Variants in PLEKHH2 observed in about 807,000 individuals in gnomAD.
The protein encoded by PLEKHH2 is pleckstrin homology domain-containing family H member 2.
Under a neutral mutation model 187.9 loss-of-function variants are expected in PLEKHH2, and 129 were observed. The ratio of observed to expected loss-of-function variants is 0.69; its 90% CI spans 0.59 to 0.79. PLEKHH2 has a LOEUF of 0.79. Ranked by LOEUF, PLEKHH2 falls within the 30% of genes least tolerant of loss-of-function variation. The pLI, the probability that PLEKHH2 is intolerant of heterozygous loss-of-function variation, is 0.00. For missense variants in PLEKHH2, 2,076 were observed against 1,751.2 expected, an observed-to-expected ratio of 1.19 and a Z score of -3.31; for synonymous variants, 686 against 605.6, an observed-to-expected ratio of 1.13 and a Z score of -1.95.
chr2:43,710,143 A>AT lies in PLEKHH2; in HGVS notation c.2103+22dup. On this transcript the variant is annotated intron_variant, in intron 12 of 29. Transcript: ENST00000282406. ...GGGAAAAATGTAAATATTGAATATG[A>AT]TTTTTAAAAAGCAGTCAGTCAGATT... 4.3e-6 allele frequency: 7 copies of AT among 1,610,276 alleles called. No homozygotes were observed. The highest frequency in any genetic ancestry group is 5.9e-6 in the Non-Finnish European group (7 of 1,178,692).
chr2:43,738,615 T>C, intron 20 of PLEKHH2, 95 bp downstream of exon 20: 1 of 1,253,066 alleles, frequency 8.0e-7, no homozygotes, highest in Non-Finnish European at 1.1e-6. Flanking sequence ...ATTTGGAGAA[T>C]ACAAAAAGTG....
At chr2:43,706,484 C>T in intron 10 of PLEKHH2, 68 bp downstream of exon 10, 2 of 1,146,592 alleles carry the variant, frequency 1.7e-6, no homozygotes, top group Non-Finnish European at 2.6e-6. Context: ...ATTGTTAATT[C>T]AAGCTCCAGA....
rs539532575 is a variant in PLEKHH2 at position 43,698,940 on chromosome 2, T to C, written c.689-707T>C. 2.0e-5 allele frequency among the ~76,000 whole-genome samples: 3 copies of C among 152,348 alleles called. No homozygotes were observed. In the South Asian group the frequency reaches 6.2e-4, roughly 32 times the overall value. On this transcript the variant is annotated intron_variant, in intron 7 of 29. Coordinates refer to ENST00000282406, the MANE Select transcript of PLEKHH2 (RefSeq NM_172069.4). ...ACCAAAAGTAGAGCAAGGAAAGCTT[T>C]TCTGTGTTTATATTTTCTTCATGAT...
At chr2:43,756,777 C>T (rs1053341764) in intron 25 of PLEKHH2, among the ~76,000 whole-genome samples, 17 of 152,018 alleles carry the variant, frequency 1.1e-4, no homozygotes, top group Non-Finnish European at 1.5e-5. Flanking sequence ...GTGAAACCCC[C>T]GTCTCTACAA....
At chr2:43,659,962 T>C (rs1169744382) in intron 2 of PLEKHH2, among the ~76,000 whole-genome samples, 1 of 152,200 alleles carries the variant, frequency 6.6e-6, no homozygotes. Context: ...CAAATATATA[T>C]GATTCCGTAA....
chr2:43,733,862 C>G (rs1671166522), intron 19 of PLEKHH2, among the ~76,000 whole-genome samples: 1 of 152,082 alleles, frequency 6.6e-6, no homozygotes, highest in Non-Finnish European at 1.5e-5. Context: ...AAATACCCAC[C>G]TGTAGAGTAC....
chr2:43,731,626 A>C, intron 19 of PLEKHH2, 24 bp downstream of exon 19: 1 of 1,412,288 alleles, frequency 7.1e-7, no homozygotes, highest in African/African-American at 1.5e-5. Flanking sequence ...ATGTTGTTAA[A>C]TGATTTAAGG....
rs188558912 is a variant in PLEKHH2 at position 43,672,941 on chromosome 2, C to T, written c.124-5922C>T. ...AAATTTTTTAACAAACATTTGATTG[C>T]AACATTCATTACTGCTTTGCAGTCC... is the stretch of plus-strand genomic sequence containing the variant. On this transcript the variant is annotated intron_variant, in intron 2 of 29. Transcript: ENST00000282406. Among the ~76,000 whole-genome samples, 314 of 152,292 alleles carry T rather than the reference C, an allele frequency of 2.1e-3. 1 individual carries two copies. Among genetic ancestry groups the T allele is most frequent in the African/African-American group, 7.3e-3 (302 of 41,568 alleles).
At chr2:43,718,741 T>C (rs1028271511) in intron 15 of PLEKHH2, among the ~76,000 whole-genome samples, 1 of 152,180 alleles carries the variant, frequency 6.6e-6, no homozygotes, top group African/African-American at 2.4e-5. Flanking sequence ...GACTTCTTTC[T>C]GAAGATTGTT....
intron 17 of PLEKHH2, among the ~76,000 whole-genome samples, chr2:43,728,120 C>A (rs1338560410): frequency 6.6e-6 from 1 of 152,062 alleles, no homozygotes; most frequent in Non-Finnish European, 1.5e-5. Context: ...AAATATGTTT[C>A]AAGAGTTCCT....
At chr2:43,753,414 A>G (rs1416644740) in intron 24 of PLEKHH2, among the ~76,000 whole-genome samples, 1 of 152,158 alleles carries the variant, frequency 6.6e-6, no homozygotes, top group Admixed American at 6.6e-5. Context: ...AGCACTTCTC[A>G]ACCTCAACCT....
chr2:43,653,071 C>T (rs558412368), intron 2 of PLEKHH2, among the ~76,000 whole-genome samples: 5 of 152,034 alleles, frequency 3.3e-5, no homozygotes, highest in Non-Finnish European at 7.4e-5. Flanking sequence ...ATTTAGAGGT[C>T]CAGTTCAATA....
intron 14 of PLEKHH2, 114 bp downstream of exon 14, chr2:43,710,689 G>C (rs1183732765): frequency 6.8e-7 from 1 of 1,462,512 alleles, no homozygotes; most frequent in Admixed American, 3.0e-5. Flanking sequence ...TATTCACTTT[G>C]GGGGGTTAGT....
intron 16 of PLEKHH2, among the ~76,000 whole-genome samples, chr2:43,721,436 A>G (rs976895577): frequency 2.0e-5 from 3 of 152,164 alleles, no homozygotes; most frequent in African/African-American, 7.2e-5. Context: ...TAATGAGACT[A>G]AACTTCTTGG....
chr2:43,637,713 G>C (rs1403557500), intron 1 of PLEKHH2, among the ~76,000 whole-genome samples: 1 of 152,180 alleles, frequency 6.6e-6, no homozygotes, highest in Non-Finnish European at 1.5e-5. Context: ...AGCGGTCCCG[G>C]GGGCGCAGCG....
At chr2:43,746,000 A>G in intron 24 of PLEKHH2, 37 bp downstream of exon 24, 1 of 1,376,252 alleles carries the variant, frequency 7.3e-7, no homozygotes, top group Non-Finnish European at 1.0e-6. Context: ...AAGTATGAGT[A>G]TACAATATGT....
Position 43,750,410 on chromosome 2 carries a change from T to A in PLEKHH2, c.3654-3209T>A, listed in dbSNP as rs182262725. The stretch of plus-strand genomic sequence containing the variant: ...TCGCATGAACCCAGGAGGCAGAGGT[T>A]GCAGTGAGCCAAATCGTGCCACTGC... On this transcript the variant is annotated intron_variant, in intron 24 of 29. Transcript: ENST00000282406. Among the ~76,000 whole-genome samples the A allele has an allele frequency of 5.2e-3, 782 of 151,836 alleles. 3 individuals are homozygous for A. Among genetic ancestry groups the A allele is most frequent in the South Asian group, 0.026 (127 of 4,794 alleles).
intron 3 of PLEKHH2, among the ~76,000 whole-genome samples, chr2:43,684,468 G>A (rs1216581730): frequency 1.3e-5 from 2 of 152,132 alleles, no homozygotes; most frequent in Non-Finnish European, 1.5e-5. Flanking sequence ...TGGCAAATTT[G>A]TTTGTTTTTG....
chr2:43,654,523 T>A (rs1442150746), intron 2 of PLEKHH2, among the ~76,000 whole-genome samples: 2 of 151,436 alleles, frequency 1.3e-5, no homozygotes, highest in Non-Finnish European at 2.9e-5. Flanking sequence ...ACTGAATTTC[T>A]GTTCTTTAAG....
Sources: allele counts gnomAD v4.1 joint callset (sites outside exome capture counted in the v4.1 genomes callset), GRCh38; gene constraint gnomAD v4.1.1; transcripts MANE v1.5; gene names NCBI Gene and HGNC (gene_info 2026-07-23, HGNC 2026-07-21).